FGF10: variants seen among roughly 807,000 people sequenced by gnomAD.
The protein encoded by FGF10 is fibroblast growth factor 10, also known as FGF-10.
In FGF10, 2 loss-of-function variants were observed where a neutral mutation model predicts 19.8. The ratio of observed to expected loss-of-function variants is 0.10; its 90% CI spans 0.04 to 0.32. The LOEUF is 0.32. FGF10 is among the 10% of genes least tolerant of loss of function. The pLI is 1.00. For synonymous variants in FGF10, 112 were observed against 94.0 expected, an observed-to-expected ratio of 1.19 and a Z score of -1.10; for missense variants, 191 against 246.3, an observed-to-expected ratio of 0.78 and a Z score of 1.50.
intron 1 of FGF10, among the ~76,000 whole-genome samples, chr5:44,357,907 C>T: frequency 6.6e-6 from 1 of 151,326 alleles, no homozygotes; most frequent in Non-Finnish European, 1.5e-5. Flanking sequence ...TAATGCATTC[C>T]CCTCTGTCTC....
At chr5:44,358,430 A>C (rs562921732) in intron 1 of FGF10, among the ~76,000 whole-genome samples, 6 of 151,622 alleles carry the variant, frequency 4.0e-5, no homozygotes, top group African/African-American at 1.4e-4. Flanking sequence ...TGGCTTAATA[A>C]GCACATATTT....
chr5:44,338,221 A>G (rs1380305357), intron 1 of FGF10, among the ~76,000 whole-genome samples: 8 of 152,188 alleles, frequency 5.3e-5, no homozygotes, highest in Admixed American at 5.2e-4. Context: ...TAGTTTTTAC[A>G]TATCTGAAAG....
At chr5:44,369,934 T>TCC (rs1020657812) in intron 1 of FGF10, among the ~76,000 whole-genome samples, 4 of 152,142 alleles carry the variant, frequency 2.6e-5, no homozygotes, top group Non-Finnish European at 4.4e-5. Flanking sequence ...TCCCATCACC[T>TCC]CTACACTTAA....
chr5:44,370,246 A>G (rs1447618741), intron 1 of FGF10, among the ~76,000 whole-genome samples: 2 of 152,166 alleles, frequency 1.3e-5, no homozygotes, highest in African/African-American at 4.8e-5. Context: ...ATAAAGAGAA[A>G]TAGGTAGGGT....
chr5:44,381,247 G>C (rs1459463992), intron 1 of FGF10, among the ~76,000 whole-genome samples: 1 of 152,152 alleles, frequency 6.6e-6, no homozygotes, highest in African/African-American at 2.4e-5. Flanking sequence ...GGAATTCACT[G>C]CAGAATCGAA....
intron 1 of FGF10, among the ~76,000 whole-genome samples, chr5:44,346,002 C>A (rs1258673614): frequency 1.3e-5 from 2 of 151,786 alleles, no homozygotes; most frequent in African/African-American, 4.8e-5. Flanking sequence ...CAGCCTTGAC[C>A]TATTCTCTAA....
intron 1 of FGF10, among the ~76,000 whole-genome samples, chr5:44,316,479 C>T (rs1740353032): frequency 6.6e-6 from 1 of 152,164 alleles, no homozygotes; most frequent in African/African-American, 2.4e-5. Context: ...GGATTTTTGA[C>T]TTAGTAATTC....
rs1165046628 is a variant in FGF10, at chr5:44,302,293, T to TCCTTCCTC, written c.*2701_*2702insGAGGAAGG. The stretch of plus-strand genomic sequence containing the variant: ...TTCCTTCTTTCCTTGCTTCCTTCCT[T>TCCTTCCTC]CCTTCCTTCCTTCCTTCCTTCCTTC... On this transcript the variant is annotated 3_prime_UTR_variant, in exon 3 of 3. Coordinates refer to ENST00000264664, the MANE Select transcript of FGF10 (RefSeq NM_004465.2). 4.1e-4 allele frequency among the ~76,000 whole-genome samples: 39 copies of TCCTTCCTC among 95,130 alleles called. No homozygotes were observed. Among genetic ancestry groups the TCCTTCCTC allele is most frequent in the Non-Finnish European group, 7.9e-4 (34 of 42,942 alleles). 62.4% of individuals were successfully genotyped at this position (95,130 alleles called of 152,430 possible).
At chr5:44,385,307 G>A (rs1742072879) in intron 1 of FGF10, among the ~76,000 whole-genome samples, 1 of 152,070 alleles carries the variant, frequency 6.6e-6, no homozygotes, top group African/African-American at 2.4e-5. Context: ...GAAGAGCTTT[G>A]TTAACGCATG....
chr5:44,313,587 G>GTT (rs1290949354), intron 1 of FGF10, among the ~76,000 whole-genome samples: 2 of 102,966 alleles, frequency 1.9e-5, no homozygotes, highest in Non-Finnish European at 3.9e-5. Flanking sequence ...TATAAAAAAA[G>GTT]GTTTTTTTTT....
In FGF10 at chr5:44,302,288, T is replaced by A. The variant is rs1413472331; in HGVS notation, c.*2707A>T. ...CTTCCTTCCTTCTTTCCTTGCTTCC[T>A]TCCTTCCTTCCTTCCTTCCTTCCTT... On this transcript the variant is annotated 3_prime_UTR_variant, in exon 3 of 3. Coordinates refer to ENST00000264664, the MANE Select transcript of FGF10 (RefSeq NM_004465.2). 1.3e-5 allele frequency among the ~76,000 whole-genome samples: 1 copy of A among 77,508 alleles called. No individual in the cohort carries two copies. The highest frequency in any genetic ancestry group is 3.2e-4 in the East Asian group (1 of 3,130). 50.8% of individuals were successfully genotyped at this position (77,508 alleles called of 152,430 possible).
intron 1 of FGF10, among the ~76,000 whole-genome samples, chr5:44,386,593 G>A (rs1459942877): frequency 6.6e-6 from 1 of 152,042 alleles, no homozygotes; most frequent in Non-Finnish European, 1.5e-5. Flanking sequence ...TATATACATA[G>A]GATCTAATGA....
chr5:44,330,862 T>C (rs1231508312), intron 1 of FGF10, among the ~76,000 whole-genome samples: 1 of 152,172 alleles, frequency 6.6e-6, no homozygotes, highest in Admixed American at 6.6e-5. Context: ...TCAACTTCAT[T>C]GATCAGACGT....
chr5:44,388,634 G>A lies in FGF10; in HGVS notation c.49C>T (p.Pro17Ser), dbSNP rs374755098. Residue 17 changes from proline (P) to serine (S), a missense_variant, in exon 1 of 3, where the codon CCC becomes TCC. This residue lies in a region of FGF10 where 92 missense variants were observed against 84.6 expected (regional missense o/e 1.09). Transcript: ENST00000264664. Reference sequence around the variant, plus strand: ...AAAAAGCAGCAGCAGCAGCAGCCGGGCAGGTGGGGAAAGGCTGAGGCACAA... The same window carrying A: ...AAAAAGCAGCAGCAGCAGCAGCCGGACAGGTGGGGAAAGGCTGAGGCACAA... ...THCASAFPHL[P>S]GCCCCCFLLL... The A allele has an allele frequency of 1.9e-5, 30 of 1,613,860 alleles. No homozygotes were observed. The South Asian group carries it at 3.0e-4, about 16-fold the overall frequency.
chr5:44,374,756 A>C (rs1741816174), intron 1 of FGF10, among the ~76,000 whole-genome samples: 1 of 152,194 alleles, frequency 6.6e-6, no homozygotes, highest in Non-Finnish European at 1.5e-5. Flanking sequence ...TGAAACTAGA[A>C]ATAACTGTCT....
rs17234436 is a variant in FGF10, at chr5:44,315,675, G to GTT, written c.326-5147_326-5146dup. Among the ~76,000 whole-genome samples the GTT allele has an allele frequency of 5.2e-3, 791 of 152,186 alleles. 1 individual carries two copies. Among genetic ancestry groups the GTT allele is most frequent in the Non-Finnish European group, 8.6e-3 (585 of 68,020 alleles). Reference sequence around the variant, plus strand: ...AATCAAGGTGCTGAAACATATCATAGTTAGCACAATGTAAGACACAAATAC... The same window carrying GTT: ...AATCAAGGTGCTGAAACATATCATAGTTTTAGCACAATGTAAGACACAAATAC... On this transcript the variant is annotated intron_variant, in intron 1 of 2. Transcript: ENST00000264664.
intron 1 of FGF10, among the ~76,000 whole-genome samples, chr5:44,336,794 A>T (rs1428686971): frequency 1.3e-5 from 2 of 152,210 alleles, no homozygotes; most frequent in African/African-American, 2.4e-5. Flanking sequence ...AGTTACTTTT[A>T]TTAATCTCCT....
At chr5:44,334,190 T>A (rs758214667) in intron 1 of FGF10, among the ~76,000 whole-genome samples, 6 of 152,132 alleles carry the variant, frequency 3.9e-5, no homozygotes, top group Admixed American at 1.3e-4. Context: ...CCCATTTTTT[T>A]ATTTTGAATG....
At chr5:44,372,722 C>T (rs1360265639) in intron 1 of FGF10, among the ~76,000 whole-genome samples, 1 of 152,154 alleles carries the variant, frequency 6.6e-6, no homozygotes, top group African/African-American at 2.4e-5. Flanking sequence ...TCCTAAAATG[C>T]AATGGTAGAA....
Sources: allele counts gnomAD v4.1 joint callset (sites outside exome capture counted in the v4.1 genomes callset), GRCh38; gene constraint gnomAD v4.1.1; regional missense constraint gnomAD v4.1.1; transcripts MANE v1.5; gene names NCBI Gene and HGNC (gene_info 2026-07-23, HGNC 2026-07-21).